LIMS2: variants seen among roughly 807,000 people sequenced by gnomAD.
The protein encoded by LIMS2 is LIM zinc finger domain containing 2.
In LIMS2, 30 loss-of-function variants were observed where a neutral mutation model predicts 45.3. The ratio of observed to expected loss-of-function variants is 0.66; its 90% confidence interval spans 0.50 to 0.90. The LOEUF is 0.90. Among genes scored for constraint, LIMS2 ranks in the 40% least tolerant of loss-of-function variants. The probability of loss-of-function intolerance (pLI) is 0.00; values close to 1 mark genes in which losing one functional copy is unlikely to be tolerated. For missense variants in LIMS2, 485 were observed against 468.7 expected (o/e 1.03, Z -0.32); for synonymous variants, 173 against 188.0 (o/e 0.92, Z 0.65).
At chr2:127,665,408 G>A (rs965812204) in intron 1 of LIMS2, among the ~76,000 whole-genome samples, 1 of 152,280 alleles carries the variant, frequency 6.6e-6, no homozygotes, top group African/African-American at 2.4e-5. Context: ...AGGCCCACAC[G>A]CCACTGAGGA....
chr2:127,650,709 C>T, intron 4 of LIMS2: 1 of 1,589,974 alleles, frequency 6.3e-7, no homozygotes, highest in Non-Finnish European at 8.6e-7. Flanking sequence ...TTGCTTGTTC[C>T]CTCCAGGCTC....
chr2:127,643,953 T>A, intron 4 of LIMS2: 1 of 429,602 alleles, frequency 2.3e-6, no homozygotes, highest in Non-Finnish European at 4.7e-6. Context: ...GACAGGCTGG[T>A]CAGGGAGGAT....
chr2:127,656,171 A>G (rs1335664890), intron 2 of LIMS2: 1 of 152,242 alleles, frequency 6.6e-6, no homozygotes, highest in Non-Finnish European at 1.5e-5. Flanking sequence ...ATAAAATTGT[A>G]TCCCATTGTA....
At chr2:127,654,231 C>T (rs1373489346) in intron 4 of LIMS2, among the ~76,000 whole-genome samples, 193 bp downstream of exon 4, 1 of 152,070 alleles carries the variant, frequency 6.6e-6, no homozygotes, top group Non-Finnish European at 1.5e-5. Context: ...GCTCGCTGAG[C>T]GTGGGGCCCT....
rs752281646 is a variant in LIMS2, at chr2:127,642,281, G to A, written c.510-82C>T. The A allele has an allele frequency of 7.4e-5, 103 of 1,393,332 alleles. No homozygotes were observed. Among genetic ancestry groups the A allele is most frequent in the East Asian group, 1.3e-4 (5 of 38,516 alleles). The allele number at this position is 1,393,332 out of a possible 1,614,324, so 86.3% of individuals were successfully genotyped here. A position where few individuals can be genotyped will look rare whatever the true frequency, so the allele number is the denominator to read the frequency against. ...CAGCAGCGCCTCCACCCCAGGGCAC[G>A]GCTCCCCGAGGGGCCCATTCTGTCC... On this transcript the variant is annotated intron_variant, in intron 5 of 9. Coordinates refer to ENST00000355119, the MANE Select transcript of LIMS2 (RefSeq NM_001161403.3). This position sits in a 1 kb window ranked among gnomAD's most constrained non-coding sequence, Gnocchi z 5.3.
chr2:127,654,768 G>GC (rs768107081), intron 3 of LIMS2, 62 bp downstream of exon 3: 26 of 1,565,104 alleles, frequency 1.7e-5, no homozygotes, highest in Non-Finnish European at 2.1e-5. Flanking sequence ...TCGGCCCCCT[G>GC]CCCCCCGCCA....
chr2:127,678,649 G>A (rs1355895996), upstream of LIMS2, among the ~76,000 whole-genome samples: 6 of 152,206 alleles, frequency 3.9e-5, no homozygotes, highest in African/African-American at 1.2e-4. This position sits in a 1 kb window ranked among gnomAD's most constrained non-coding sequence, Gnocchi z 5.3. Flanking sequence ...CGGCGTGGGC[G>A]TGGTCAGCAC....
At position 127,667,020 on chromosome 2, in the gene LIMS2, A is replaced by G. The variant is rs1685038124; in HGVS notation, c.11+7994T>C. Among the ~76,000 whole-genome samples, 1 of 152,366 alleles carries G rather than the reference A, an allele frequency of 6.6e-6. No homozygotes were observed. The highest frequency in any genetic ancestry group is 1.9e-4 in the East Asian group (1 of 5,190). ...CACTTAGTAAGGCCAGTAACATGTAAAGAGACTGAGACAGTAACCAAAAAA... is the reference window on the plus strand; with the variant it reads ...CACTTAGTAAGGCCAGTAACATGTAGAGAGACTGAGACAGTAACCAAAAAA... On this transcript the variant is annotated intron_variant, in intron 1 of 9. Transcript: ENST00000355119. This position sits in a 1 kb window ranked among gnomAD's most constrained non-coding sequence, Gnocchi z 4.1.
Position 127,640,122 on chromosome 2 carries a change from A to C in LIMS2, c.826T>G (p.Trp276Gly). 1 of 1,613,490 alleles carries C rather than the reference A, an allele frequency of 6.2e-7. No homozygotes were observed. The highest frequency in any genetic ancestry group is 8.5e-7 in the Non-Finnish European group (1 of 1,180,000). Residue 276 changes from tryptophan to glycine, a missense_variant, in exon 9 of 10, where the codon TGG (tryptophan) becomes GGG (glycine). Coordinates refer to ENST00000355119, the MANE Select transcript of LIMS2 (RefSeq NM_001161403.3). ...GAGCAGGAGAAGCAGCTCACACACC[A>C]GGCCTTGTTGAGGGCCGACACCACT... The part of the protein sequence containing the change: ...GDVVSALNKA[W>G]CVSCFSCSTC...
At position 127,664,544 on chromosome 2, in the gene LIMS2, C is replaced by CTCGCAGCG; in HGVS notation, c.12-6983_12-6982insCGCTGCGA. 1 of 1,150,848 alleles carries CTCGCAGCG rather than the reference C, an allele frequency of 8.7e-7. No individual in the cohort carries two copies. The highest frequency in any genetic ancestry group is 1.1e-6 in the Non-Finnish European group (1 of 936,524). The allele number at this position is 1,150,848 out of a possible 1,614,324, so 71.3% of individuals were successfully genotyped here. A position where few individuals can be genotyped will look rare whatever the true frequency, so the allele number is the denominator to read the frequency against. On this transcript the variant is annotated intron_variant, in intron 1 of 9. Transcript: ENST00000355119. This position sits in a 1 kb window ranked among gnomAD's most constrained non-coding sequence, Gnocchi z 5.5. ...CCGCGCTGGTCGCGAGCTCACGTTA[C>CTCGCAGCG]GCGCTGGGATCTCCAAAGGGCAGCA...
chr2:127,657,649 C>A, intron 1 of LIMS2, 87 bp from the exon 2 acceptor site: 1 of 1,363,878 alleles, frequency 7.3e-7, no homozygotes, highest in Non-Finnish European at 1.0e-6. Context: ...GACAGACACA[C>A]CTCGTATTAA....
chr2:127,654,688 C>A (rs537885068), intron 3 of LIMS2, 142 bp downstream of exon 3: 12 of 1,480,224 alleles, frequency 8.1e-6, no homozygotes, highest in Middle Eastern at 1.8e-4. Context: ...CTGTAGGGGG[C>A]CTGACGGCTG....
chr2:127,666,128 A>C (rs1475796569), intron 1 of LIMS2, among the ~76,000 whole-genome samples: 1 of 152,202 alleles, frequency 6.6e-6, no homozygotes, highest in Non-Finnish European at 1.5e-5. Flanking sequence ...CTAGAACTCT[A>C]TACAAAGTAT....
At chr2:127,651,290 C>T (rs1289132570) in intron 4 of LIMS2, 1 of 1,607,874 alleles carries the variant, frequency 6.2e-7, no homozygotes. Context: ...TGCAGCTGTA[C>T]CGGGAGAAGG....
In LIMS2 at chr2:127,667,016, T is replaced by C. The variant is rs750932798; in HGVS notation, c.11+7998A>G. Reference sequence around the variant, plus strand: ...AAATCACTTAGTAAGGCCAGTAACATGTAAAGAGACTGAGACAGTAACCAA... The same window carrying C: ...AAATCACTTAGTAAGGCCAGTAACACGTAAAGAGACTGAGACAGTAACCAA... On this transcript the variant is annotated intron_variant, in intron 1 of 9. Coordinates refer to ENST00000355119, the MANE Select transcript of LIMS2 (RefSeq NM_001161403.3). The surrounding 1 kb of genome is among the most constrained non-coding windows in gnomAD (Gnocchi z 4.1). 2.6e-4 allele frequency among the ~76,000 whole-genome samples: 40 copies of C among 152,196 alleles called. No homozygotes were observed. The highest frequency in any genetic ancestry group is 1.3e-4 in the Admixed American group (2 of 15,280).
chr2:127,644,358 C>A (rs896814100), intron 4 of LIMS2, among the ~76,000 whole-genome samples: 1 of 152,230 alleles, frequency 6.6e-6, no homozygotes, highest in African/African-American at 2.4e-5. Flanking sequence ...AGAGCCCTGG[C>A]TCTTACACCC....
chr2:127,639,481 C>T (rs536309236), intron 9 of LIMS2, 53 bp from the exon 10 acceptor site: 1 of 1,598,076 alleles, frequency 6.3e-7, no homozygotes, highest in East Asian at 2.2e-5. Context: ...CCTTTAACCC[C>T]AGACAGGTGA....
At chr2:127,658,280 T>C (rs1432418673) in intron 1 of LIMS2, among the ~76,000 whole-genome samples, 2 of 152,192 alleles carry the variant, frequency 1.3e-5, no homozygotes, top group Non-Finnish European at 2.9e-5. Flanking sequence ...AAGCCTGTAG[T>C]CTCAGCTACT....
chr2:127,639,514 C>T (rs566613361), intron 9 of LIMS2, 86 bp from the exon 10 acceptor site: 1 of 1,499,238 alleles, frequency 6.7e-7, no homozygotes, highest in Non-Finnish European at 9.1e-7. Context: ...CTTCCCTCAG[C>T]CCCCAGCCTC....
Sources: allele counts gnomAD v4.1 joint callset (sites outside exome capture counted in the v4.1 genomes callset), GRCh38; gene constraint gnomAD v4.1.1; non-coding constraint Gnocchi (gnomAD v3.1); transcripts MANE v1.5; gene names NCBI Gene and HGNC (gene_info 2026-07-23, HGNC 2026-07-21).